The following PCDHGB4 variants were observed in gnomAD, a reference collection of about 807,000 sequenced individuals.
The protein encoded by PCDHGB4 is protocadherin gamma-B4.
Under a neutral mutation model 60.5 loss-of-function variants are expected in PCDHGB4, and 38 were observed. The observed-to-expected ratio is 0.63, with a 90% CI of 0.48 to 0.82. The LOEUF is 0.82. Ranked by LOEUF, PCDHGB4 falls within the 40% of genes least tolerant of loss-of-function variation. The pLI is 0.00. For synonymous variants in PCDHGB4, 456 were observed against 509.7 expected, an observed-to-expected ratio of 0.89 and a Z score of 1.42; for missense variants, 1,109 against 1,209.6, an observed-to-expected ratio of 0.92 and a Z score of 1.23.
In PCDHGB4 at chr5:141,477,556, T is replaced by C. The variant is rs2099412953; in HGVS notation, c.2398-17251T>C. On this transcript the variant is annotated intron_variant, in intron 1 of 3. Transcript: ENST00000519479. The surrounding 1 kb of genome is among the most constrained non-coding windows in gnomAD (Gnocchi z 4.9). The stretch of plus-strand genomic sequence containing the variant: ...CCGGGGCTCCAATACTAAACCTAAG[T>C]GTCTGGGACCCCGACGCCCCGCAGA... 6.2e-7 allele frequency: 1 copy of C among 1,614,164 alleles called. No homozygotes were observed. The highest frequency in any genetic ancestry group is 1.1e-5 in the South Asian group (1 of 91,086).
At chr5:141,416,387 A>T (rs1229066765) in intron 1 of PCDHGB4, 1 of 152,190 alleles carries the variant, frequency 6.6e-6, no homozygotes, top group Admixed American at 6.5e-5. Context: ...AATATTTGGG[A>T]TTCTGCTTTT....
At chr5:141,441,747 G>A in intron 1 of PCDHGB4, 2 of 372,470 alleles carry the variant, frequency 5.4e-6, no homozygotes, top group Non-Finnish European at 5.4e-6. Flanking sequence ...CGCGCTCGGC[G>A]TCAACGTGAG....
intron 1 of PCDHGB4, among the ~76,000 whole-genome samples, chr5:141,450,145 T>A (rs2098671113): frequency 6.6e-6 from 1 of 151,890 alleles, no homozygotes; most frequent in South Asian, 2.1e-4. Flanking sequence ...TAGCTGGGAC[T>A]ACAGGCATGT....
intron 1 of PCDHGB4, chr5:141,428,086 G>C: frequency 1.9e-6 from 3 of 1,609,122 alleles, no homozygotes; most frequent in Non-Finnish European, 1.7e-6. Context: ...CACAACGCTT[G>C]GCTGTCCTAC....
rs759809060 is a variant in PCDHGB4, at chr5:141,476,317, G to A, written c.2398-18490G>A. 1.2e-6 allele frequency: 2 copies of A among 1,614,170 alleles called. No individual in the cohort carries two copies. Among genetic ancestry groups the A allele is most frequent in the South Asian group, 2.2e-5 (2 of 91,078 alleles). On this transcript the variant is annotated intron_variant, in intron 1 of 3. Coordinates refer to ENST00000519479, the MANE Select transcript of PCDHGB4 (RefSeq NM_003736.4). This position sits in a 1 kb window ranked among gnomAD's most constrained non-coding sequence, Gnocchi z 7.6. Reference sequence around the variant, plus strand: ...GTAGCCTCTCAGCCCGCAGGTTCCGGGTGGTGTCTGGAGCTAGCCGAAGAT... The same window carrying A: ...GTAGCCTCTCAGCCCGCAGGTTCCGAGTGGTGTCTGGAGCTAGCCGAAGAT...
chr5:141,452,172 T>G (rs1338447268), intron 1 of PCDHGB4, among the ~76,000 whole-genome samples: 1 of 152,206 alleles, frequency 6.6e-6, no homozygotes, highest in Non-Finnish European at 1.5e-5. Flanking sequence ...TTACTAACAT[T>G]TTTTATTTTG....
chr5:141,419,240 G>A lies in PCDHGB4; in HGVS notation c.2397+28959G>A, dbSNP rs753956971. On this transcript the variant is annotated intron_variant, in intron 1 of 3. Coordinates refer to ENST00000519479, the MANE Select transcript of PCDHGB4 (RefSeq NM_003736.4). ...CGGACAGTCAGCCTACCTGGTCCAC[G>A]TGCCAGAAAACAACCAGCCGGGTGC... is the stretch of plus-strand genomic sequence containing the variant. 6.8e-6 allele frequency: 11 copies of A among 1,613,862 alleles called. No individual in the cohort carries two copies. The highest frequency in any genetic ancestry group is 1.7e-5 in the Admixed American group (1 of 60,018).
At chr5:141,394,239 G>A (rs530540432) in intron 1 of PCDHGB4, 1 of 1,613,868 alleles carries the variant, frequency 6.2e-7, no homozygotes, top group South Asian at 1.1e-5. Flanking sequence ...TTCCTTGACT[G>A]CACACGACCC....
In PCDHGB4 at chr5:141,405,080, A is replaced by T. The variant is rs1382053021; in HGVS notation, c.2397+14799A>T. 2.5e-6 allele frequency: 4 copies of T among 1,613,560 alleles called. No individual in the cohort carries two copies. In the East Asian group the frequency reaches 6.7e-5, roughly 27 times the overall value. On this transcript the variant is annotated intron_variant, in intron 1 of 3. Coordinates refer to ENST00000519479, the MANE Select transcript of PCDHGB4 (RefSeq NM_003736.4). ...CTGTGTCTTCCTCACCTTCGTTATC[A>T]CGCTGCTGGCCCTCAGGCTGAGGCA...
chr5:141,402,918 A>C (rs766546022), intron 1 of PCDHGB4: 55 of 1,569,938 alleles, frequency 3.5e-5, no homozygotes, highest in Non-Finnish European at 4.7e-5. Flanking sequence ...GCGCGCACAG[A>C]GATCCTTTTG....
chr5:141,459,259 G>T (rs996530664), intron 1 of PCDHGB4, among the ~76,000 whole-genome samples: 1 of 152,140 alleles, frequency 6.6e-6, no homozygotes, highest in Non-Finnish European at 1.5e-5. Context: ...ATAAATTAGT[G>T]TTGCCTCTTT....
chr5:141,458,347 T>A (rs1351687231), intron 1 of PCDHGB4, among the ~76,000 whole-genome samples: 1 of 151,916 alleles, frequency 6.6e-6, no homozygotes, highest in Non-Finnish European at 1.5e-5. Flanking sequence ...AGTGGAGAGT[T>A]TAATAAGCAA....
Position 141,389,991 on chromosome 5 carries a change from G to C in PCDHGB4, c.2107G>C (p.Val703Leu), listed in dbSNP as rs561094692. The C allele has an allele frequency of 4.3e-6, 7 of 1,613,898 alleles. No homozygotes were observed. The Admixed American group carries it at 5.0e-5, about 12-fold the overall frequency. ...ALALISVLFL[V>L]AMILAIALRL... ...GGCCTTGATCTCAGTGCTCTTCCTC[G>C]TGGCCATGATTCTGGCCATTGCCTT... Residue 703 changes from valine to leucine, a missense_variant, in exon 1 of 4, where the codon GTG becomes CTG. Physicochemically the swap from Val to Leu is conservative, Grantham distance 32 (BLOSUM62 1). Transcript: ENST00000519479.
rs57426385 is a variant in PCDHGB4 at position 141,415,740 on chromosome 5, G to GTTT, written c.2397+25489_2397+25491dup. ...TGAGTAGAATTTGATGTTTATTAAG[G>GTTT]TTTTTTTTTTTTTTTTTTTTTTTTT... On this transcript the variant is annotated intron_variant, in intron 1 of 3. Transcript: ENST00000519479. 6,178 of 620,014 alleles carry GTTT rather than the reference G, an allele frequency of 1.0e-2. 42 individuals are homozygous for GTTT. Among genetic ancestry groups the GTTT allele is most frequent in the South Asian group, 0.019 (660 of 34,340 alleles). The allele number at this position is 620,014 out of a possible 1,614,324, so 38.4% of individuals were successfully genotyped here. A position where few individuals can be genotyped will look rare whatever the true frequency, so the allele number is the denominator to read the frequency against.
chr5:141,425,207 G>A lies in PCDHGB4; in HGVS notation c.2397+34926G>A, dbSNP rs546494803. 1.8e-3 allele frequency among the ~76,000 whole-genome samples: 281 copies of A among 152,238 alleles called. 1 individual carries two copies. The highest frequency in any genetic ancestry group is 6.6e-3 in the African/African-American group (274 of 41,534). ...TCCAAACTGAGAAAAATGATGTAAG[G>A]CATTGTACTTTGACTGGAATTAGTT... On this transcript the variant is annotated intron_variant, in intron 1 of 3. Coordinates refer to ENST00000519479, the MANE Select transcript of PCDHGB4 (RefSeq NM_003736.4).
At chr5:141,478,498 G>A in intron 1 of PCDHGB4, 8 of 1,612,712 alleles carry the variant, frequency 5.0e-6, no homozygotes, top group South Asian at 1.1e-5. Context: ...GCTGTGATCC[G>A]GTGTTCTATA....
rs376527354 is a variant in PCDHGB4, at chr5:141,439,129, G to A, written c.2397+48848G>A. Among the ~76,000 whole-genome samples the A allele has an allele frequency of 7.3e-5, 11 of 151,064 alleles. No individual in the cohort carries two copies. The South Asian group carries it at 2.3e-3, about 32-fold the overall frequency. The stretch of plus-strand genomic sequence containing the variant: ...AATCACTTGAACCCGGGAGACAGAG[G>A]TTGCAGTGAGCTGAGATCACGCCAC... On this transcript the variant is annotated intron_variant, in intron 1 of 3. Coordinates refer to ENST00000519479, the MANE Select transcript of PCDHGB4 (RefSeq NM_003736.4).
intron 1 of PCDHGB4, chr5:141,427,894 C>T (rs974220302): frequency 1.3e-6 from 2 of 1,568,222 alleles, no homozygotes; most frequent in East Asian, 2.2e-5. Flanking sequence ...GACCAGGGCT[C>T]GCCCGCGCTC....
At position 141,491,116 on chromosome 5, in the gene PCDHGB4, GGT is replaced by G. The variant is rs2099708409; in HGVS notation, c.2398-3689_2398-3688del. The G allele has an allele frequency of 1.2e-6, 2 of 1,614,178 alleles. No individual in the cohort carries two copies. Among genetic ancestry groups the G allele is most frequent in the Non-Finnish European group, 1.7e-6 (2 of 1,180,024 alleles). On this transcript the variant is annotated intron_variant, in intron 1 of 3. Transcript: ENST00000519479. This position sits in a 1 kb window ranked among gnomAD's most constrained non-coding sequence, Gnocchi z 6.9. Reference sequence around the variant, plus strand: ...ACTGTTCCTCGTGTCTACACACACTGGTGAGGTGCGCACAGCCCGGGCCTTAC... The same window carrying G: ...ACTGTTCCTCGTGTCTACACACACTGGAGGTGCGCACAGCCCGGGCCTTAC...
Sources: gnomAD v4.1 joint callset for allele counts (sites outside exome capture counted in the v4.1 genomes callset) on GRCh38, gnomAD v4.1.1 for gene constraint, Gnocchi (gnomAD v3.1) non-coding constraint, MANE v1.5 for transcripts, NCBI Gene and HGNC (gene_info 2026-07-23, HGNC 2026-07-21) for gene names.